Variants in SCARF2 observed in about 807,000 individuals in gnomAD.
SCARF2 encodes scavenger receptor class F member 2, also known as scavenger receptor expressed by endothelial cells 2 protein.
Under a neutral mutation model 73.4 loss-of-function variants are expected in SCARF2, and 39 were observed. The observed-to-expected ratio is 0.53, with a 90% CI of 0.41 to 0.69. The LOEUF (loss-of-function observed/expected upper bound fraction) is 0.69. Among genes scored for constraint, SCARF2 ranks in the 30% least tolerant of loss-of-function variants. The pLI is 0.00. For missense variants in SCARF2, 1,148 were observed against 1,303.5 expected (o/e 0.88, Z 1.84); for synonymous variants, 605 against 590.0 (o/e 1.03, Z -0.37).
chr22:20,430,940 G>T, intron 4 of SCARF2, 32 bp from the exon 5 acceptor site: 1 of 1,563,318 alleles, frequency 6.4e-7, no homozygotes, highest in Non-Finnish European at 8.6e-7. Context: ...AGGGAAGGCT[G>T]GGACCCGCCT....
chr22:20,427,337 C>G (rs914740317), intron 10 of SCARF2, 61 bp downstream of exon 10: 6 of 1,602,688 alleles, frequency 3.7e-6, no homozygotes, highest in African/African-American at 1.3e-5. Context: ...ACCCAGAACA[C>G]AGCTTTTCCA....
intron 6 of SCARF2, 110 bp downstream of exon 6, chr22:20,430,319 C>T: frequency 7.4e-7 from 1 of 1,346,986 alleles, no homozygotes; most frequent in Non-Finnish European, 1.0e-6. Context: ...GGTAAGGGAC[C>T]AAGGCTGAGG....
In SCARF2 at chr22:20,429,661, G is replaced by A. The variant is rs777073246; in HGVS notation, c.1307-8C>T. ...CCTTGCGCTGGTTGGTTTCTGTAGG[G>A]GGTTATGGGGTCAGCGCGGTTTCTG... On this transcript the variant is annotated splice_polypyrimidine_tract_variant and splice_region_variant and intron_variant, in intron 7 of 10. Coordinates refer to ENST00000622235, the MANE Select transcript of SCARF2 (RefSeq NM_182895.5). The surrounding 1 kb of genome is among the most constrained non-coding windows in gnomAD (Gnocchi z 5.2). 29 of 1,613,894 alleles carry A rather than the reference G, an allele frequency of 1.8e-5. No homozygotes were observed. The highest frequency in any genetic ancestry group is 2.5e-5 in the Non-Finnish European group (29 of 1,179,962).
chr22:20,425,603 C>A lies in SCARF2; in HGVS notation c.2373G>T (p.Gln791His). ...LGRAEVALGAQGPREKPAPPQ... is the reference protein window; with the variant it reads ...LGRAEVALGAHGPREKPAPPQ... ...GGGGCGCCGGCTTTTCCCTGGGGCC[C>A]TGCGCGCCCAGGGCCACCTCGGCGC... The change falls in exon 11 of 11, where the codon CAG (glutamine) becomes CAT (histidine). Residue 791 changes from glutamine (Q) to histidine (H), a missense_variant. This residue lies in a region of SCARF2 where 169 missense variants were observed against 136.9 expected (regional missense o/e 1.23). Transcript: ENST00000622235. The surrounding 1 kb of genome is among the most constrained non-coding windows in gnomAD (Gnocchi z 4.6). The A allele has an allele frequency of 7.5e-7, 1 of 1,333,816 alleles. No individual in the cohort carries two copies. Among genetic ancestry groups the A allele is most frequent in the South Asian group, 1.9e-5 (1 of 53,006 alleles). The allele number at this position is 1,333,816 out of a possible 1,614,324, so 82.6% of individuals were successfully genotyped here.
Position 20,431,968 on chromosome 22 carries a change from C to A in SCARF2, c.194G>T (p.Cys65Phe), listed in dbSNP as rs2052654955. The A allele has an allele frequency of 2.5e-6, 4 of 1,611,254 alleles. No individual in the cohort carries two copies. The highest frequency in any genetic ancestry group is 3.4e-6 in the Non-Finnish European group (4 of 1,179,602). ...RAPGSQVPTC[C>F]AGWRQQGDEC... ...GTCCCCTTGCTGCCTCCAGCCAGCGCAGCACGTGGGCACCTGGGAGCTGCG... is the reference window on the plus strand; with the variant it reads ...GTCCCCTTGCTGCCTCCAGCCAGCGAAGCACGTGGGCACCTGGGAGCTGCG... Residue 65 changes from cysteine to phenylalanine, a missense_variant, in exon 2 of 11, where the codon TGC (cysteine) becomes TTC (phenylalanine). By Grantham distance (205) the Cys-to-Phe change is radical. This residue lies in a region of SCARF2 where 124 missense variants were observed against 120.4 expected (regional missense o/e 1.03). Coordinates refer to ENST00000622235, the MANE Select transcript of SCARF2 (RefSeq NM_182895.5).
rs762631162 is a variant in SCARF2 at position 20,431,988 on chromosome 22, G to A, written c.174C>T (p.Gly58=). 4 of 1,609,402 alleles carry A rather than the reference G, an allele frequency of 2.5e-6. No homozygotes were observed. In the Admixed American group the frequency reaches 5.0e-5, roughly 20 times the overall value. The part of the protein sequence containing the change: ...PRGRNVCRAP[G]SQVPTCCAGW... ...CAGCGCAGCACGTGGGCACCTGGGA[G>A]CTGCGAGCAGAGGGAGGACATCTAA... The change falls in exon 2 of 11, where the codon GGC becomes GGT. Residue 58 remains glycine (G), a splice_region_variant and synonymous_variant. Transcript: ENST00000622235.
Position 20,437,606 on chromosome 22 carries a change from C to G in SCARF2, c.149G>C (p.Gly50Ala). ...TVAPQELNPR[G>A]RNVCRAPGSQ... ...CCCGGGAGCACGGCACACGTTGCGG[C>G]CGCGAGGGTTCAGTTCCTGAGGCGC... Residue 50 changes from glycine to alanine, a missense_variant, in exon 1 of 11, where the codon GGC becomes GCC. Transcript: ENST00000622235. 6.4e-7 allele frequency: 1 copy of G among 1,572,744 alleles called. No homozygotes were observed. The highest frequency in any genetic ancestry group is 2.3e-5 in the East Asian group (1 of 42,822).
chr22:20,437,722 C>A lies in SCARF2; in HGVS notation c.33G>T (p.Pro11=). Residue 11 remains proline (P), a synonymous_variant, in exon 1 of 11, where the codon CCG becomes CCT. Coordinates refer to ENST00000622235, the MANE Select transcript of SCARF2 (RefSeq NM_182895.5). ...GCCCCCCGGCTCCCCGGCGCCGCGCCGGCCCGGCCCCCCGGGGCCCTGCGC... is the reference window on the plus strand; with the variant it reads ...GCCCCCCGGCTCCCCGGCGCCGCGCAGGCCCGGCCCCCCGGGGCCCTGCGC... MEGAGPRGAG[P]ARRRGAGGPP... is the part of the protein sequence containing the mutation. 1 of 1,323,204 alleles carries A rather than the reference C, an allele frequency of 7.6e-7. No homozygotes were observed. The highest frequency in any genetic ancestry group is 9.6e-7 in the Non-Finnish European group (1 of 1,043,804). The allele number at this position is 1,323,204 out of a possible 1,614,324, so 82.0% of individuals were successfully genotyped here.
Position 20,435,171 on chromosome 22 carries a change from C to G in SCARF2, c.173+2411G>C, listed in dbSNP as rs535927159. 3.0e-5 allele frequency among the ~76,000 whole-genome samples: 4 copies of G among 133,438 alleles called. No individual in the cohort carries two copies. In the East Asian group the frequency reaches 7.8e-4, roughly 26 times the overall value. The allele number at this position is 133,438 out of a possible 152,430, so 87.5% of individuals were successfully genotyped here. On this transcript the variant is annotated intron_variant, in intron 1 of 10. Coordinates refer to ENST00000622235, the MANE Select transcript of SCARF2 (RefSeq NM_182895.5). The stretch of plus-strand genomic sequence containing the variant: ...CTGAGTCTTCCCTGCCTCAGATAAC[C>G]CTGCCTGTCCTTTCAGGCTGGGAAG...
chr22:20,425,848 C>G lies in SCARF2; in HGVS notation c.2128G>C (p.Glu710Gln), dbSNP rs1360224582. Residue 710 changes from glutamate (E) to glutamine (Q), a missense_variant, in exon 11 of 11, where the codon GAA becomes CAA. Transcript: ENST00000622235. This position sits in a 1 kb window ranked among gnomAD's most constrained non-coding sequence, Gnocchi z 4.6. ...TCGCGGGTCCGGGGGCTGCCGTGTT[C>G]GACCGTATGCGCCGATTTGTCGCTG... is the stretch of plus-strand genomic sequence containing the variant. ...TPSDKSAHTV[E>Q]HGSPRTRDPT... is the part of the protein sequence containing the mutation. 2 of 1,590,006 alleles carry G rather than the reference C, an allele frequency of 1.3e-6. No individual in the cohort carries two copies. Among genetic ancestry groups the G allele is most frequent in the Non-Finnish European group, 1.7e-6 (2 of 1,172,596 alleles).
intron 1 of SCARF2, among the ~76,000 whole-genome samples, chr22:20,433,301 G>A (rs1367210876): frequency 6.6e-6 from 1 of 152,148 alleles, no homozygotes; most frequent in Non-Finnish European, 1.5e-5. Context: ...ACTTCGCCTC[G>A]ATCCTAAAGG....
chr22:20,425,663 G>A lies in SCARF2; in HGVS notation c.2313C>T (p.Ala771=), dbSNP rs780320815. 1.6e-6 allele frequency: 2 copies of A among 1,258,830 alleles called. No homozygotes were observed. Among genetic ancestry groups the A allele is most frequent in the Non-Finnish European group, 2.0e-6 (2 of 1,004,056 alleles). The allele number at this position is 1,258,830 out of a possible 1,614,324, so 78.0% of individuals were successfully genotyped here. Residue 771 remains alanine (A), a synonymous_variant, in exon 11 of 11, where the codon GCC becomes GCT. Coordinates refer to ENST00000622235, the MANE Select transcript of SCARF2 (RefSeq NM_182895.5). The surrounding 1 kb of genome is among the most constrained non-coding windows in gnomAD (Gnocchi z 4.6). ...TGCGAGTCTTGCCGCGCAGCTCAGC[G>A]GCCAACATGGAGGCAGCCTCGGGCG... ...RSAPEAASML[A]AELRGKTRSL... is the part of the protein sequence containing the mutation.
intron 3 of SCARF2, 63 bp downstream of exon 3, chr22:20,431,682 A>AC: frequency 5.6e-6 from 3 of 536,018 alleles, no homozygotes; most frequent in Non-Finnish European, 6.6e-6. Flanking sequence ...CCCACCTTGG[A>AC]CCCCGCCCCA....
rs774188331 is a variant in SCARF2, at chr22:20,437,577, C to T, written c.173+5G>A. 3 of 1,573,308 alleles carry T rather than the reference C, an allele frequency of 1.9e-6. No individual in the cohort carries two copies. The highest frequency in any genetic ancestry group is 2.6e-6 in the Non-Finnish European group (3 of 1,167,414). On this transcript the variant is annotated splice_donor_5th_base_variant and intron_variant, in intron 1 of 10. Coordinates refer to ENST00000622235, the MANE Select transcript of SCARF2 (RefSeq NM_182895.5). ...GCCCCCTCCCCCAGCCAGGCCGGCT[C>T]CTACCCGGGAGCACGGCACACGTTG...
Position 20,429,796 on chromosome 22 carries a change from C to T in SCARF2, c.1240G>A (p.Asp414Asn), listed in dbSNP as rs749477721. 86 of 1,613,268 alleles carry T rather than the reference C, an allele frequency of 5.3e-5. No homozygotes were observed. The highest frequency in any genetic ancestry group is 7.1e-5 in the Non-Finnish European group (84 of 1,179,892). Residue 414 changes from aspartate to asparagine, a missense_variant, in exon 7 of 11, where the codon GAC becomes AAC. Asp to Asn is a conservative substitution (Grantham distance 23). This residue lies in a region of SCARF2 where 372 missense variants were observed against 532.0 expected (regional missense o/e 0.70). Coordinates refer to ENST00000622235, the MANE Select transcript of SCARF2 (RefSeq NM_182895.5). This position sits in a 1 kb window ranked among gnomAD's most constrained non-coding sequence, Gnocchi z 5.2. ...VTCPPGLHGADCAQACSCHED... is the reference protein window; with the variant it reads ...VTCPPGLHGANCAQACSCHED... ...TGGCAGCTGCAGGCCTGAGCACAGT[C>T]CGCGCCGTGGAGTCCGGGCGGGCAC... is the stretch of plus-strand genomic sequence containing the variant.
chr22:20,430,385 G>T, intron 6 of SCARF2, 44 bp downstream of exon 6: 1 of 1,562,150 alleles, frequency 6.4e-7, no homozygotes, highest in Non-Finnish European at 8.7e-7. Flanking sequence ...CCCCTCTGTG[G>T]CAGGTACAAG....
intron 1 of SCARF2, 58 bp from the exon 2 acceptor site, chr22:20,432,046 C>A: frequency 6.6e-7 from 1 of 1,525,816 alleles, no homozygotes; most frequent in South Asian, 1.2e-5. Context: ...CCCATCTGCT[C>A]CGGGCTCCTC....
At position 20,425,894 on chromosome 22, in the gene SCARF2, G is replaced by T; in HGVS notation, c.2082C>A (p.Pro694=). Residue 694 remains proline (P), a synonymous_variant, in exon 11 of 11, where the codon CCC becomes CCA. Coordinates refer to ENST00000622235, the MANE Select transcript of SCARF2 (RefSeq NM_182895.5). This position sits in a 1 kb window ranked among gnomAD's most constrained non-coding sequence, Gnocchi z 4.6. ...PPPGSEAAPS[P]SKRKRTPSDK... is the part of the protein sequence containing the mutation. ...CGCTGGGCGTCCGTTTCCTCTTGCT[G>T]GGGCTGGGCGCGGCCTCGGAGCCTG... is the stretch of plus-strand genomic sequence containing the variant. The T allele has an allele frequency of 6.3e-7, 1 of 1,598,502 alleles. No homozygotes were observed.
chr22:20,434,197 G>A (rs1215738886), intron 1 of SCARF2, among the ~76,000 whole-genome samples: 1 of 152,182 alleles, frequency 6.6e-6, no homozygotes, highest in Non-Finnish European at 1.5e-5. Context: ...GGAAGCTGAG[G>A]CAAGAGGATT....
Sources: gnomAD v4.1 joint callset for allele counts (sites outside exome capture counted in the v4.1 genomes callset) on GRCh38, gnomAD v4.1.1 for gene constraint, gnomAD v4.1.1 regional missense constraint, Gnocchi (gnomAD v3.1) non-coding constraint, MANE v1.5 for transcripts, NCBI Gene and HGNC (gene_info 2026-07-23, HGNC 2026-07-21) for gene names.